Variants in WWC1 observed in about 807,000 individuals in gnomAD.
WWC1 encodes protein KIBRA.
In WWC1, 55 loss-of-function variants were observed where a neutral mutation model predicts 138.4. The ratio of observed to expected loss-of-function variants is 0.40; its 90% CI spans 0.32 to 0.50. WWC1 has a LOEUF of 0.50. Among genes scored for constraint, WWC1 ranks in the 20% least tolerant of loss-of-function variants. WWC1 has a pLI of 0.72. For synonymous variants in WWC1, 524 were observed against 564.9 expected (o/e 0.93, Z 1.03); for missense variants, 1,226 against 1,420.4 (o/e 0.86, Z 2.20).
chr5:168,331,589 G>A (rs994018793), intron 1 of WWC1, among the ~76,000 whole-genome samples: 1 of 152,194 alleles, frequency 6.6e-6, no homozygotes, highest in Non-Finnish European at 1.5e-5. Context: ...TAATATCTTC[G>A]AATGTGAGGT....
chr5:168,303,366 A>G (rs137936645), intron 1 of WWC1, among the ~76,000 whole-genome samples: 226 of 152,250 alleles, frequency 1.5e-3, no homozygotes, highest in African/African-American at 5.2e-3. Flanking sequence ...GGAGTCTGAT[A>G]CAGGAGGATA....
chr5:168,347,466 C>T (rs1347223568), intron 1 of WWC1, among the ~76,000 whole-genome samples: 1 of 152,154 alleles, frequency 6.6e-6, no homozygotes, highest in Non-Finnish European at 1.5e-5. Flanking sequence ...TTCTTTGGAC[C>T]TTTCGTTGAG....
chr5:168,414,679 CG>C, intron 9 of WWC1, 89 bp downstream of exon 9: 8 of 1,440,360 alleles, frequency 5.6e-6, no homozygotes, highest in Non-Finnish European at 6.4e-6. Context: ...GAGGGGGCTC[CG>C]GGCCCCTGGG....
chr5:168,327,168 A>G (rs1772636731), intron 1 of WWC1, among the ~76,000 whole-genome samples: 1 of 152,170 alleles, frequency 6.6e-6, no homozygotes, highest in Admixed American at 6.5e-5. Flanking sequence ...CTTCTCAGAA[A>G]TTGCTCATGG....
intron 2 of WWC1, 124 bp from the exon 3 acceptor site, chr5:168,385,087 A>T: frequency 2.2e-6 from 2 of 909,646 alleles, no homozygotes; most frequent in Non-Finnish European, 3.3e-6. Flanking sequence ...AGTTTGCCCC[A>T]CTTACATTTA....
At chr5:168,434,042 G>C (rs1782147358) in intron 15 of WWC1, among the ~76,000 whole-genome samples, 1 of 152,222 alleles carries the variant, frequency 6.6e-6, no homozygotes, top group Non-Finnish European at 1.5e-5. Flanking sequence ...GGGCTCCCTG[G>C]AGCCCAGAGA....
At position 168,467,947 on chromosome 5, in the gene WWC1, A is replaced by G; in HGVS notation, c.3258A>G (p.Pro1086=). 2 of 1,614,210 alleles carry G rather than the reference A, an allele frequency of 1.2e-6. No homozygotes were observed. The highest frequency in any genetic ancestry group is 1.7e-6 in the Non-Finnish European group (2 of 1,180,026). ...GAGGCCAGAGCTGTAAGGAACCCCC[A>G]GAAGTTCAGTCTTTCAGGTAAGCAG... ...RLRGQSCKEP[P]EVQSFREKMA... Residue 1086 remains proline (P), a synonymous_variant, in exon 22 of 23, where the codon CCA becomes CCG. Coordinates refer to ENST00000265293, the MANE Select transcript of WWC1 (RefSeq NM_015238.3).
intron 8 of WWC1, 167 bp from the exon 9 acceptor site, chr5:168,414,181 C>T: frequency 1.0e-6 from 1 of 970,462 alleles, no homozygotes; most frequent in Non-Finnish European, 1.5e-6. Flanking sequence ...TGGTAGGCAC[C>T]CACATGTGTT....
At chr5:168,340,857 C>G (rs12332615) in intron 1 of WWC1, among the ~76,000 whole-genome samples, 8,070 of 152,230 alleles carry the variant, frequency 0.053, 329 homozygotes, top group African/African-American at 0.11. Flanking sequence ...CTGGTAGGGA[C>G]TATTTTTCTC....
At chr5:168,412,960 G>A (rs1462503884) in intron 8 of WWC1, among the ~76,000 whole-genome samples, 2 of 152,194 alleles carry the variant, frequency 1.3e-5, no homozygotes, top group Non-Finnish European at 2.9e-5. Context: ...AGGGTCAAGT[G>A]TATAAGAATT....
chr5:168,385,441 C>G (rs756560682), intron 3 of WWC1, 27 bp downstream of exon 3: 71 of 1,606,776 alleles, frequency 4.4e-5, no homozygotes, highest in Non-Finnish European at 5.8e-5. Flanking sequence ...ACCACCACCC[C>G]CACCGACACC....
intron 3 of WWC1, among the ~76,000 whole-genome samples, chr5:168,394,394 T>C (rs1778730378): frequency 6.6e-6 from 1 of 152,220 alleles, no homozygotes; most frequent in African/African-American, 2.4e-5. Flanking sequence ...TATTAAACTT[T>C]GGGGCAAGAT....
chr5:168,392,091 C>T (rs1778556403), intron 3 of WWC1, among the ~76,000 whole-genome samples: 1 of 152,090 alleles, frequency 6.6e-6, no homozygotes. Flanking sequence ...AGGCAACCAC[C>T]ATCTTCAGTC....
chr5:168,377,957 C>CA (rs369217412), intron 2 of WWC1, among the ~76,000 whole-genome samples: 4 of 152,240 alleles, frequency 2.6e-5, no homozygotes, highest in African/African-American at 9.6e-5. Context: ...ATCACTCTAC[C>CA]AAAAAGACAC....
chr5:168,422,537 AG>A (rs1781171677), intron 10 of WWC1, among the ~76,000 whole-genome samples: 1 of 152,004 alleles, frequency 6.6e-6, no homozygotes, highest in Non-Finnish European at 1.5e-5. Flanking sequence ...GGATGACTTG[AG>A]CCCGGGAGGA....
intron 18 of WWC1, 85 bp from the exon 19 acceptor site, chr5:168,455,271 G>C: frequency 6.9e-7 from 1 of 1,454,714 alleles, no homozygotes; most frequent in Non-Finnish European, 9.2e-7. Context: ...GGTGACAGGA[G>C]GGAAGAGGAG....
At chr5:168,366,802 CTTTTTTTTTTTTTTTT>C (rs202012790) in intron 1 of WWC1, among the ~76,000 whole-genome samples, 7 of 100,570 alleles carry the variant, frequency 7.0e-5, no homozygotes, top group African/African-American at 3.0e-4. Context: ...CTTTGAAACA[CTTTTTTTTTTTTTTTT>C]TTTTTTTTTG....
intron 18 of WWC1, among the ~76,000 whole-genome samples, 165 bp from the exon 19 acceptor site, chr5:168,455,191 G>A (rs1389624141): frequency 6.6e-6 from 1 of 152,128 alleles, no homozygotes; most frequent in African/African-American, 2.4e-5. Flanking sequence ...TGTCCTGGCT[G>A]CACCAGGCTG....
intron 15 of WWC1, among the ~76,000 whole-genome samples, 161 bp downstream of exon 15, chr5:168,431,605 C>G (rs1781950745): frequency 6.6e-6 from 1 of 152,142 alleles, no homozygotes; most frequent in African/African-American, 2.4e-5. Flanking sequence ...ATCTTGGATT[C>G]TAGGCAGCGA....
Sources: allele counts gnomAD v4.1 joint callset (sites outside exome capture counted in the v4.1 genomes callset), GRCh38; gene constraint gnomAD v4.1.1; transcripts MANE v1.5; gene names NCBI Gene and HGNC (gene_info 2026-07-23, HGNC 2026-07-21).